DHX15: variants seen among roughly 807,000 people sequenced by gnomAD.
The protein encoded by DHX15 is DEAH-box helicase 15, also known as ATP-dependent RNA helicase DHX15.
Under a neutral mutation model 94.4 loss-of-function variants are expected in DHX15, and 11 were observed. The observed-to-expected ratio is 0.12, with a 90% CI of 0.07 to 0.19. DHX15 has a LOEUF of 0.19. DHX15 is among the 10% of genes least tolerant of loss of function. The pLI is 1.00. For missense variants in DHX15, 304 were observed against 988.5 expected, an observed-to-expected ratio of 0.31 and a Z score of 9.29; for synonymous variants, 338 against 329.9, an observed-to-expected ratio of 1.02 and a Z score of -0.27.
At position 24,527,634 on chromosome 4, in the gene DHX15, T is replaced by C. The variant is rs1239417585; in HGVS notation, c.*290A>G. 7 of 270,154 alleles carry C rather than the reference T, an allele frequency of 2.6e-5. No homozygotes were observed. The highest frequency in any genetic ancestry group is 3.5e-5 in the Non-Finnish European group (5 of 142,666). 16.7% of individuals were successfully genotyped at this position (270,154 alleles called of 1,614,324 possible). A position where few individuals can be genotyped will look rare whatever the true frequency, so the allele number is the denominator to read the frequency against. On this transcript the variant is annotated 3_prime_UTR_variant, in exon 14 of 14. Coordinates refer to ENST00000336812, the MANE Select transcript of DHX15 (RefSeq NM_001358.3). ...GTCGATAATCACATTTTAGAAGCATTTTCAACCATTTCTAAAGAAATGCTT... is the reference window on the plus strand; with the variant it reads ...GTCGATAATCACATTTTAGAAGCATCTTCAACCATTTCTAAAGAAATGCTT...
intron 2 of DHX15, among the ~76,000 whole-genome samples, chr4:24,573,950 C>T (rs1456654066): frequency 2.0e-5 from 3 of 151,464 alleles, no homozygotes; most frequent in African/African-American, 7.3e-5. Context: ...AATCCCAGCA[C>T]TTTGGGAGGC....
chr4:24,540,119 G>T lies in DHX15; in HGVS notation c.1775C>A (p.Ala592Asp). Residue 592 changes from alanine to aspartate, a missense_variant, in exon 10 of 14, where the codon GCT becomes GAT. Physicochemically the swap from Ala to Asp is moderately radical, Grantham distance 126. Around this residue, in one of 9 missense-constraint regions of DHX15, gnomAD observed 14 missense variants for 24.5 expected, o/e 0.57. Coordinates refer to ENST00000336812, the MANE Select transcript of DHX15 (RefSeq NM_001358.3). Reference sequence around the variant, plus strand: ...TTTCCCTCTATTACCTGACAACATAGCAGTAATAGATAGGACCTCATTAGA... The same window carrying T: ...TTTCCCTCTATTACCTGACAACATATCAGTAATAGATAGGACCTCATTAGA... The part of the protein sequence containing the change: ...NCSNEVLSIT[A>D]MLSVPQCFVR... 1 of 1,578,410 alleles carries T rather than the reference G, an allele frequency of 6.3e-7. No individual in the cohort carries two copies. Among genetic ancestry groups the T allele is most frequent in the African/African-American group, 1.4e-5 (1 of 73,374 alleles).
At chr4:24,550,820 A>T (rs1231264687) in intron 5 of DHX15, among the ~76,000 whole-genome samples, 1 of 152,232 alleles carries the variant, frequency 6.6e-6, no homozygotes, top group Non-Finnish European at 1.5e-5. Flanking sequence ...ATGTCCTATT[A>T]TCATTATTAT....
intron 6 of DHX15, 142 bp downstream of exon 6, chr4:24,548,713 G>A (rs1240372833): frequency 2.6e-5 from 20 of 764,682 alleles, no homozygotes; most frequent in South Asian, 5.5e-5. Context: ...AGAGATATGC[G>A]GAACCCTACA....
At chr4:24,580,123 G>T (rs1181443967) in intron 1 of DHX15, among the ~76,000 whole-genome samples, 1 of 152,140 alleles carries the variant, frequency 6.6e-6, no homozygotes, top group Non-Finnish European at 1.5e-5. Context: ...ATTCTACATG[G>T]AGGGCAAGAC....
chr4:24,563,878 AC>A (rs1721937750), intron 3 of DHX15, among the ~76,000 whole-genome samples: 1 of 152,050 alleles, frequency 6.6e-6, no homozygotes. Context: ...ATCCTGGCTA[AC>A]ACAGTGAAAC....
intron 11 of DHX15, chr4:24,533,310 G>T: frequency 4.0e-6 from 2 of 497,452 alleles, no homozygotes; most frequent in Non-Finnish European, 7.2e-6. Context: ...TGTTTTTAGT[G>T]AATTACTTCT....
intron 12 of DHX15, chr4:24,529,974 T>G: frequency 1.7e-6 from 1 of 581,808 alleles, no homozygotes; most frequent in African/African-American, 1.9e-5. Context: ...TTGTAAGGTC[T>G]GTGAATCCAA....
chr4:24,548,304 G>C (rs115698033), intron 6 of DHX15, among the ~76,000 whole-genome samples: 1 of 151,880 alleles, frequency 6.6e-6, no homozygotes, highest in African/African-American at 2.4e-5. Context: ...TACCACGCCC[G>C]GCTAATTTTT....
At chr4:24,531,394 T>C (rs1421981020) in intron 12 of DHX15, among the ~76,000 whole-genome samples, 1 of 152,042 alleles carries the variant, frequency 6.6e-6, no homozygotes, top group African/African-American at 2.4e-5. Flanking sequence ...GGCCAGTTTT[T>C]TTCTGAAATA....
chr4:24,581,257 T>C (rs1435891891), intron 1 of DHX15, among the ~76,000 whole-genome samples: 2 of 152,078 alleles, frequency 1.3e-5, no homozygotes, highest in Admixed American at 6.6e-5. Flanking sequence ...CTTGATCTCC[T>C]GACCTCGTGA....
chr4:24,530,117 T>C, intron 12 of DHX15: 1 of 335,718 alleles, frequency 3.0e-6, no homozygotes, highest in Non-Finnish European at 5.5e-6. Flanking sequence ...CATGCCCATT[T>C]GTCTATACCT....
intron 3 of DHX15, among the ~76,000 whole-genome samples, chr4:24,562,376 A>T (rs1338726565): frequency 6.6e-6 from 1 of 152,166 alleles, no homozygotes; most frequent in Non-Finnish European, 1.5e-5. Context: ...AGCGATGAGG[A>T]ACAATGATGA....
intron 3 of DHX15, among the ~76,000 whole-genome samples, chr4:24,561,370 T>C (rs1385906929): frequency 6.6e-6 from 1 of 152,150 alleles, no homozygotes; most frequent in Non-Finnish European, 1.5e-5. Context: ...TGGGATTGTA[T>C]TAGTTCAGCC....
intron 1 of DHX15, among the ~76,000 whole-genome samples, chr4:24,576,988 T>G (rs529705403): frequency 6.6e-6 from 1 of 152,080 alleles, no homozygotes; most frequent in South Asian, 2.1e-4. Context: ...ATACTGAGGG[T>G]AGGATGAAGA....
chr4:24,584,514 G>A lies in DHX15; in HGVS notation c.-121C>T, dbSNP rs1024033919. 2.0e-6 allele frequency: 2 copies of A among 995,466 alleles called. No individual in the cohort carries two copies. The highest frequency in any genetic ancestry group is 2.9e-6 in the Non-Finnish European group (2 of 698,802). The allele number at this position is 995,466 out of a possible 1,614,324, so 61.7% of individuals were successfully genotyped here. ...CCCTCCCGCTACTACAGCCCACACGGTGCGGCCGGAACCAACAGCTAAAAT... is the reference window on the plus strand; with the variant it reads ...CCCTCCCGCTACTACAGCCCACACGATGCGGCCGGAACCAACAGCTAAAAT... On this transcript the variant is annotated 5_prime_UTR_variant, in exon 1 of 14. Coordinates refer to ENST00000336812, the MANE Select transcript of DHX15 (RefSeq NM_001358.3).
chr4:24,555,939 A>G (rs940952182), intron 4 of DHX15, among the ~76,000 whole-genome samples: 1 of 152,184 alleles, frequency 6.6e-6, no homozygotes, highest in South Asian at 2.1e-4. Flanking sequence ...TTGATCCTTA[A>G]GTAAAATAAG....
chr4:24,569,784 G>C, intron 3 of DHX15, among the ~76,000 whole-genome samples: 1 of 151,956 alleles, frequency 6.6e-6, no homozygotes, highest in Non-Finnish European at 1.5e-5. Context: ...TAAAAGAAAT[G>C]TGGTCTTGCT....
In DHX15 at chr4:24,529,755, G is replaced by A; in HGVS notation, c.2116C>T (p.Arg706Ter). ...TTCACAGTTAAGTAATGCCCTGTTC[G>A]TTCTAAATGTGCCACCTGAAACCAA... ...GYFMQVAHLE[R>*]TGHYLTVKDN... The change falls in exon 13 of 14, where the codon CGA becomes TGA. Residue 706 changes from arginine to a stop codon, truncating the protein, a stop_gained. Transcript: ENST00000336812. LOFTEE classifies it high-confidence loss of function. 6.2e-7 allele frequency: 1 copy of A among 1,614,120 alleles called. No individual in the cohort carries two copies. Among genetic ancestry groups the A allele is most frequent in the Non-Finnish European group, 8.5e-7 (1 of 1,180,024 alleles).
Sources: gnomAD v4.1 joint callset for allele counts (sites outside exome capture counted in the v4.1 genomes callset) on GRCh38, gnomAD v4.1.1 for gene constraint, gnomAD v4.1.1 regional missense constraint, MANE v1.5 for transcripts, NCBI Gene and HGNC (gene_info 2026-07-23, HGNC 2026-07-21) for gene names.